The following CLIC5 variants were observed in gnomAD, a reference collection of about 807,000 sequenced individuals.
CLIC5 encodes the protein chloride intracellular channel protein 5.
Under a neutral mutation model 24.7 loss-of-function variants are expected in CLIC5, and 20 were observed. The observed-to-expected ratio is 0.81, with a 90% CI of 0.57 to 1.18. The LOEUF is 1.18. Among genes scored for constraint, CLIC5 ranks in the 50% most tolerant of loss-of-function variants. CLIC5 has a pLI of 0.00. For synonymous variants in CLIC5, 159 were observed against 135.6 expected, an observed-to-expected ratio of 1.17 and a Z score of -1.20; for missense variants, 341 against 326.1, an observed-to-expected ratio of 1.05 and a Z score of -0.35.
At chr6:46,079,155 C>A (rs556526109) in intron 1 of CLIC5, among the ~76,000 whole-genome samples, 188 of 152,260 alleles carry the variant, frequency 1.2e-3, no homozygotes, top group African/African-American at 4.2e-3. Context: ...ATATCGTAAG[C>A]ATTAAACATT....
intron 4 of CLIC5, among the ~76,000 whole-genome samples, chr6:45,915,372 T>C (rs992004356): frequency 6.6e-6 from 1 of 152,126 alleles, no homozygotes; most frequent in Non-Finnish European, 1.5e-5. Context: ...AAGATATGCA[T>C]CAGATATTGT....
chr6:45,907,776 C>A (rs1169340790), intron 5 of CLIC5, among the ~76,000 whole-genome samples: 1 of 152,004 alleles, frequency 6.6e-6, no homozygotes, highest in South Asian at 2.1e-4. Context: ...TATACTGAAC[C>A]TTTACTGAAG....
chr6:46,070,828 A>G (rs1762574233), intron 1 of CLIC5, among the ~76,000 whole-genome samples: 1 of 152,160 alleles, frequency 6.6e-6, no homozygotes, highest in South Asian at 2.1e-4. Context: ...TTCAAAATAT[A>G]CACAAGGCTA....
intron 2 of CLIC5, among the ~76,000 whole-genome samples, chr6:45,951,800 T>G (rs548602689): frequency 6.6e-6 from 1 of 151,086 alleles, no homozygotes; most frequent in African/African-American, 2.4e-5. Flanking sequence ...AGTAGAGGAG[T>G]CTGTAATGAA....
intron 3 of CLIC5, among the ~76,000 whole-genome samples, chr6:45,948,307 C>T (rs1390161042): frequency 2.0e-5 from 3 of 152,186 alleles, no homozygotes; most frequent in Non-Finnish European, 4.4e-5. Context: ...TTTTCCTGCC[C>T]TGTCTTGGCT....
chr6:46,064,117 A>G (rs1028319486), intron 1 of CLIC5, among the ~76,000 whole-genome samples: 3 of 152,212 alleles, frequency 2.0e-5, no homozygotes, highest in Admixed American at 6.5e-5. Context: ...AAACTGCTAT[A>G]TAAACATACA....
chr6:46,100,470 T>C, the CLIC5 span, among the ~76,000 whole-genome samples: 1 of 152,172 alleles, frequency 6.6e-6, no homozygotes, highest in African/African-American at 2.4e-5. Flanking sequence ...CTGATGACGC[T>C]GTCCGCATTG....
At chr6:45,988,320 T>C (rs1765812111) in intron 1 of CLIC5, among the ~76,000 whole-genome samples, 1 of 152,208 alleles carries the variant, frequency 6.6e-6, no homozygotes, top group Non-Finnish European at 1.5e-5. Flanking sequence ...TATCCCACCT[T>C]CTTAGCCTGC....
chr6:46,069,047 G>A (rs1393734718), intron 1 of CLIC5, among the ~76,000 whole-genome samples: 1 of 152,116 alleles, frequency 6.6e-6, no homozygotes, highest in Non-Finnish European at 1.5e-5. Context: ...TGACTTCTAG[G>A]CTGCATTTGA....
intron 4 of CLIC5, among the ~76,000 whole-genome samples, chr6:45,923,744 T>A (rs1381582891): frequency 6.6e-6 from 1 of 152,238 alleles, no homozygotes; most frequent in Non-Finnish European, 1.5e-5. Flanking sequence ...TTGATCACCA[T>A]TTCCTAAATG....
At chr6:46,124,783 T>A in the CLIC5 span, among the ~76,000 whole-genome samples, 1 of 150,576 alleles carries the variant, frequency 6.6e-6, no homozygotes, top group Non-Finnish European at 1.5e-5. Context: ...AACAGACACT[T>A]CTCAAAAGAA....
chr6:46,075,609 T>C (rs532456657), intron 1 of CLIC5, among the ~76,000 whole-genome samples: 75 of 152,082 alleles, frequency 4.9e-4, no homozygotes, highest in Non-Finnish European at 8.8e-4. Context: ...AACAAAAACC[T>C]GCTCTAAGAC....
At chr6:46,043,641 G>A (rs1432635469) in intron 1 of CLIC5, among the ~76,000 whole-genome samples, 1 of 152,182 alleles carries the variant, frequency 6.6e-6, no homozygotes, top group Non-Finnish European at 1.5e-5. Context: ...GCTAAGTTTA[G>A]GAGCCACTTC....
At chr6:46,016,951 G>A (rs1767032613), upstream of CLIC5, among the ~76,000 whole-genome samples, 1 of 152,136 alleles carries the variant, frequency 6.6e-6, no homozygotes, top group African/African-American at 2.4e-5. Context: ...TCTGTCAATG[G>A]ACATTTGTGC....
chr6:46,033,875 GA>G (rs2127457144), intron 1 of CLIC5, among the ~76,000 whole-genome samples: 1 of 152,212 alleles, frequency 6.6e-6, no homozygotes, highest in East Asian at 1.9e-4. Context: ...ATGACATCTA[GA>G]GACTGGTTTT....
At chr6:46,064,526 A>C (rs986323697) in intron 1 of CLIC5, among the ~76,000 whole-genome samples, 5 of 152,202 alleles carry the variant, frequency 3.3e-5, no homozygotes, top group African/African-American at 1.2e-4. Context: ...TAGCAAATCA[A>C]ATCTAGAAAC....
At chr6:46,120,880 G>GA in the CLIC5 span, among the ~76,000 whole-genome samples, 2 of 152,078 alleles carry the variant, frequency 1.3e-5, no homozygotes, top group Admixed American at 1.3e-4. Context: ...GAAGTTTAGA[G>GA]AAAAAAGAAT....
chr6:46,106,185 C>T, the CLIC5 span, among the ~76,000 whole-genome samples: 1,096 of 151,504 alleles, frequency 7.2e-3, 7 homozygotes, highest in South Asian at 0.013. Flanking sequence ...CTCACTGCAA[C>T]CTCTGCCTCC....
At chr6:45,986,088 TG>T (rs1343093003) in intron 1 of CLIC5, among the ~76,000 whole-genome samples, 3 of 152,212 alleles carry the variant, frequency 2.0e-5, no homozygotes, top group Admixed American at 1.3e-4. Context: ...CCACCATGAT[TG>T]TGAGGCCTCC....
Sources: gnomAD v4.1 joint callset for allele counts (sites outside exome capture counted in the v4.1 genomes callset) on GRCh38, gnomAD v4.1.1 for gene constraint, MANE v1.5 for transcripts, NCBI Gene and HGNC (gene_info 2026-07-23, HGNC 2026-07-21) for gene names.